The following ATP8B4 variants were observed in gnomAD, a reference collection of about 807,000 sequenced individuals.
ATP8B4 encodes ATPase phospholipid transporting 8B4 (putative).
ATP8B4 carries 133 observed loss-of-function variants against 145.6 expected under a neutral mutation model. That is an observed-to-expected ratio of 0.91 (90% confidence interval 0.79 to 1.05). ATP8B4 has a LOEUF of 1.05. Among genes scored for constraint, ATP8B4 ranks in the 50% least tolerant of loss-of-function variants. The pLI, the probability that ATP8B4 is intolerant of heterozygous loss-of-function variation, is 0.00. For synonymous variants in ATP8B4, 507 were observed against 492.9 expected (o/e 1.03, Z -0.38); for missense variants, 1,458 against 1,425.2 (o/e 1.02, Z -0.37).
chr15:49,903,225 G>C (rs1566958400), intron 20 of ATP8B4, among the ~76,000 whole-genome samples: 3 of 152,042 alleles, frequency 2.0e-5, no homozygotes, highest in African/African-American at 7.2e-5. Flanking sequence ...AACACCAGCT[G>C]GTTCTCACAA....
chr15:50,064,544 A>G (rs887285196), intron 3 of ATP8B4, among the ~76,000 whole-genome samples: 4 of 152,202 alleles, frequency 2.6e-5, no homozygotes, highest in South Asian at 2.1e-4. Flanking sequence ...ACACAGATTT[A>G]TTGACAAATA....
At chr15:50,036,521 C>T (rs1223821023) in intron 6 of ATP8B4, among the ~76,000 whole-genome samples, 1 of 152,156 alleles carries the variant, frequency 6.6e-6, no homozygotes, top group Non-Finnish European at 1.5e-5. Context: ...AACCGATTTC[C>T]CCAATATCTC....
chr15:50,049,455 C>T (rs554840036), intron 3 of ATP8B4, among the ~76,000 whole-genome samples: 2 of 152,264 alleles, frequency 1.3e-5, no homozygotes, highest in South Asian at 2.1e-4. Context: ...CCAGCTTCAC[C>T]CATGCTGCTG....
intron 1 of ATP8B4, among the ~76,000 whole-genome samples, chr15:50,142,910 T>G (rs970589319): frequency 3.3e-5 from 5 of 152,178 alleles, no homozygotes; most frequent in Non-Finnish European, 5.9e-5. Context: ...GTTTCTACTA[T>G]CCTCCCTTTT....
chr15:50,085,963 T>A (rs12904686), intron 2 of ATP8B4, among the ~76,000 whole-genome samples: 631 of 53,176 alleles, frequency 0.012, 21 homozygotes, highest in Non-Finnish European at 0.014. Flanking sequence ...TCATATATAT[T>A]TATATATGAT....
intron 6 of ATP8B4, among the ~76,000 whole-genome samples, chr15:50,023,356 G>A (rs1359421436): frequency 6.6e-6 from 1 of 152,132 alleles, no homozygotes; most frequent in East Asian, 1.9e-4. Context: ...GTACATTTGG[G>A]TAAAACTTTT....
chr15:49,911,816 A>C (rs748845560), intron 20 of ATP8B4, among the ~76,000 whole-genome samples: 1 of 152,174 alleles, frequency 6.6e-6, no homozygotes, highest in Non-Finnish European at 1.5e-5. Context: ...AATTTTTGAA[A>C]ACTGAAGTCA....
intron 5 of ATP8B4, among the ~76,000 whole-genome samples, chr15:50,044,300 A>G (rs1215667610): frequency 2.6e-5 from 4 of 152,222 alleles, no homozygotes; most frequent in African/African-American, 7.2e-5. Flanking sequence ...TTGATTTCCA[A>G]TTCTGCTCTT....
chr15:50,059,594 T>C (rs1387246720), intron 3 of ATP8B4, among the ~76,000 whole-genome samples: 7 of 152,186 alleles, frequency 4.6e-5, no homozygotes, highest in Admixed American at 4.6e-4. Context: ...TCCTCCACCA[T>C]CTCATTTCAC....
At chr15:49,869,493 A>AACTT (rs2033355790) in intron 25 of ATP8B4, among the ~76,000 whole-genome samples, 1 of 152,142 alleles carries the variant, frequency 6.6e-6, no homozygotes, top group South Asian at 2.1e-4. Flanking sequence ...AAAAATACAA[A>AACTT]ACTTAAGAAT....
Position 49,987,505 on chromosome 15 carries a change from T to G in ATP8B4, c.634A>C (p.Met212Leu). The part of the protein sequence containing the change: ...EVPNNKLDKF[M>L]GILSWKDSKH... ...CTGTCTTTCCAAGAAAGGATTCCCA[T>G]GAATTTATCTAACTTGTTGTTAGGC... The change falls in exon 10 of 28, where the codon ATG becomes CTG. Residue 212 changes from methionine (M) to leucine (L), a missense_variant. Coordinates refer to ENST00000284509, the MANE Select transcript of ATP8B4 (RefSeq NM_024837.4). The G allele has an allele frequency of 6.2e-7, 1 of 1,613,846 alleles. No homozygotes were observed. Among genetic ancestry groups the G allele is most frequent in the Non-Finnish European group, 8.5e-7 (1 of 1,179,808 alleles).
At chr15:49,864,415 C>CTGAT (rs1394387916) in intron 26 of ATP8B4, among the ~76,000 whole-genome samples, 2 of 152,118 alleles carry the variant, frequency 1.3e-5, no homozygotes, top group African/African-American at 2.4e-5. Context: ...TCACTCTTGC[C>CTGAT]TGATTAAGTT....
intron 1 of ATP8B4, among the ~76,000 whole-genome samples, chr15:50,172,788 G>C (rs189897086): frequency 4.2e-4 from 63 of 151,610 alleles, no homozygotes; most frequent in African/African-American, 1.5e-3. Flanking sequence ...GCCTCTGCCC[G>C]GCCGCGACCC....
At position 49,897,121 on chromosome 15, in the gene ATP8B4, G is replaced by A. The variant is rs895416032; in HGVS notation, c.2697+171C>T. ...TTCCAGCTAGATACATATTCTTCTT[G>A]GGTACAAAGCTCAAGTCAACTATCA... is the stretch of plus-strand genomic sequence containing the variant. On this transcript the variant is annotated intron_variant, in intron 23 of 27. Coordinates refer to ENST00000284509, the MANE Select transcript of ATP8B4 (RefSeq NM_024837.4). 24 of 607,866 alleles carry A rather than the reference G, an allele frequency of 3.9e-5. No homozygotes were observed. In the East Asian group the frequency reaches 6.4e-4, roughly 16 times the overall value. 37.7% of individuals were successfully genotyped at this position (607,866 alleles called of 1,614,324 possible). A position where few individuals can be genotyped will look rare whatever the true frequency, so the allele number is the denominator to read the frequency against.
upstream of ATP8B4, among the ~76,000 whole-genome samples, chr15:50,119,752 CTTTTTTTTTTTT>C (rs572570694): frequency 1.6e-3 from 143 of 91,604 alleles, no homozygotes; most frequent in African/African-American, 5.5e-3. Flanking sequence ...GTTTTTGTCA[CTTTTTTTTTTTT>C]TTTTTTTTTT....
chr15:50,026,137 A>C (rs938662506), intron 6 of ATP8B4, among the ~76,000 whole-genome samples: 1 of 152,160 alleles, frequency 6.6e-6, no homozygotes, highest in Non-Finnish European at 1.5e-5. Context: ...CTCTACTACT[A>C]TTACTATCAA....
intron 6 of ATP8B4, among the ~76,000 whole-genome samples, chr15:50,012,689 C>T (rs1343175632): frequency 6.6e-6 from 1 of 152,026 alleles, no homozygotes; most frequent in African/African-American, 2.4e-5. Context: ...GAAAAAGAAG[C>T]ACAAAATAGG....
intron 6 of ATP8B4, among the ~76,000 whole-genome samples, chr15:50,028,205 A>G (rs374761736): frequency 1.3e-5 from 2 of 152,300 alleles, no homozygotes; most frequent in African/African-American, 4.8e-5. Context: ...TTGAGTCCTT[A>G]GATCTAATTT....
chr15:50,119,994 C>A (rs1387399301), upstream of ATP8B4, among the ~76,000 whole-genome samples: 1 of 151,742 alleles, frequency 6.6e-6, no homozygotes, highest in Non-Finnish European at 1.5e-5. Context: ...GTTGTTAAAG[C>A]GGGATTAGAT....
Sources: allele counts gnomAD v4.1 joint callset (sites outside exome capture counted in the v4.1 genomes callset), GRCh38; gene constraint gnomAD v4.1.1; transcripts MANE v1.5; gene names NCBI Gene and HGNC (gene_info 2026-07-23, HGNC 2026-07-21).